The following TMEM41A variants were observed in gnomAD, a reference collection of about 807,000 sequenced individuals.
TMEM41A encodes the protein transmembrane protein 41A.
TMEM41A carries 20 observed loss-of-function variants against 25.7 expected under a neutral mutation model. The ratio of observed to expected loss-of-function variants is 0.78; its 90% confidence interval spans 0.55 to 1.13. The LOEUF (loss-of-function observed/expected upper bound fraction) is 1.13, where lower values mean the gene tolerates loss of function less well. TMEM41A is among the 50% of genes most tolerant of loss of function. The pLI is 0.00. For missense variants in TMEM41A, 299 were observed against 314.3 expected, an observed-to-expected ratio of 0.95 and a Z score of 0.37; for synonymous variants, 133 against 139.6, an observed-to-expected ratio of 0.95 and a Z score of 0.33.
In TMEM41A at chr3:185,491,712, A is replaced by G. The variant is rs1193786295; in HGVS notation, c.620T>C (p.Leu207Pro). 6.2e-7 allele frequency: 1 copy of G among 1,614,228 alleles called. No individual in the cohort carries two copies. The highest frequency in any genetic ancestry group is 2.2e-5 in the East Asian group (1 of 44,882). ...AGCATCCAGAGAGGTTAGGGTTGAC[A>G]GGATGGACCCTGTCTGCACACAGAT... ...NFICVQTGSI[L>P]STLTSLDALF... The change falls in exon 5 of 5, where the codon CTG becomes CCG. Residue 207 changes from leucine (L) to proline (P), a missense_variant. Transcript: ENST00000421852.
Position 185,495,215 on chromosome 3 carries a change from A to G in TMEM41A, c.374T>C (p.Ile125Thr). ...GATCCYLLSS[I>T]FGKQLVVSYF... Reference sequence around the variant, plus strand: ...GGACACCACCAACTGTTTGCCAAAAATACTGGAGAGCAGGTAGCAGCATGT... The same window carrying G: ...GGACACCACCAACTGTTTGCCAAAAGTACTGGAGAGCAGGTAGCAGCATGT... Residue 125 changes from isoleucine (I) to threonine (T), a missense_variant, in exon 3 of 5, where the codon ATT becomes ACT. By Grantham distance (89) the Ile-to-Thr change is moderately conservative (BLOSUM62 -1). Coordinates refer to ENST00000421852, the MANE Select transcript of TMEM41A (RefSeq NM_080652.4). The G allele has an allele frequency of 6.2e-7, 1 of 1,613,958 alleles. No individual in the cohort carries two copies. Among genetic ancestry groups the G allele is most frequent in the East Asian group, 2.2e-5 (1 of 44,872 alleles).
chr3:185,494,483 C>A (rs1719041478), intron 4 of TMEM41A, 140 bp downstream of exon 4: 2 of 983,014 alleles, frequency 2.0e-6, no homozygotes, highest in African/African-American at 3.3e-5. Context: ...GGAATCATTT[C>A]TTTAGATCAT....
rs148838688 is a variant in TMEM41A, at chr3:185,490,289, G to A, written c.*1248C>T. The stretch of plus-strand genomic sequence containing the variant: ...AAAAGATAAATTAAAAGATACAATT[G>A]TTTAGTTACTCTAAGCAAATACAAC... On this transcript the variant is annotated 3_prime_UTR_variant, in exon 5 of 5. Coordinates refer to ENST00000421852, the MANE Select transcript of TMEM41A (RefSeq NM_080652.4). 4.6e-4 allele frequency: 70 copies of A among 152,288 alleles called. No homozygotes were observed. The highest frequency in any genetic ancestry group is 1.6e-3 in the African/African-American group (66 of 41,560). The allele number at this position is 152,288 out of a possible 1,614,324, so 9.4% of individuals were successfully genotyped here. A position where few individuals can be genotyped will look rare whatever the true frequency, so the allele number is the denominator to read the frequency against.
chr3:185,493,332 CT>C (rs5855067), intron 4 of TMEM41A: 50,275 of 151,918 alleles, frequency 0.33, 9,223 homozygotes, highest in Non-Finnish European at 0.4. Context: ...CAAGGAGAAA[CT>C]TTAGATATCG....
rs1011078783 is a variant in TMEM41A, at chr3:185,490,946, C to G, written c.*591G>C. ...ATGAGGCAAATACAACAGGCTATCCCGAACTCCTTATTAGACCACAAAATA... is the reference window on the plus strand; with the variant it reads ...ATGAGGCAAATACAACAGGCTATCCGGAACTCCTTATTAGACCACAAAATA... On this transcript the variant is annotated 3_prime_UTR_variant, in exon 5 of 5. Coordinates refer to ENST00000421852, the MANE Select transcript of TMEM41A (RefSeq NM_080652.4). 1 of 152,358 alleles carries G rather than the reference C, an allele frequency of 6.6e-6. No homozygotes were observed. Among genetic ancestry groups the G allele is most frequent in the Non-Finnish European group, 1.5e-5 (1 of 68,334 alleles). The allele number at this position is 152,358 out of a possible 1,614,324, so 9.4% of individuals were successfully genotyped here.
rs981282463 is a variant in TMEM41A, at chr3:185,491,676, C to T, written c.656G>A (p.Trp219Ter). The change falls in exon 5 of 5, where the codon TGG becomes TAG. Residue 219 changes from tryptophan to a stop codon, truncating the protein, a stop_gained. Transcript: ENST00000421852. LOFTEE classifies it high-confidence loss of function. ...GGCCAACAGCTTAAAGACAGTGTCC[C>T]AGGAGAAAAGAGCATCCAGAGAGGT... The part of the protein sequence containing the change: ...TLTSLDALFS[W>*]DTVFKLLAIA... 2 of 1,614,146 alleles carry T rather than the reference C, an allele frequency of 1.2e-6. No individual in the cohort carries two copies. The highest frequency in any genetic ancestry group is 2.7e-5 in the African/African-American group (2 of 75,036).
intron 4 of TMEM41A, chr3:185,492,611 C>T (rs942300158): frequency 1.3e-5 from 2 of 152,238 alleles, no homozygotes; most frequent in Non-Finnish European, 2.9e-5. Flanking sequence ...CAGCTGGTGA[C>T]ATTGTTAAAA....
At chr3:185,497,314 A>G (rs1351172763) in intron 1 of TMEM41A, among the ~76,000 whole-genome samples, 1 of 152,146 alleles carries the variant, frequency 6.6e-6, no homozygotes, top group Non-Finnish European at 1.5e-5. Flanking sequence ...TAGCTCTGGG[A>G]TTTTAGAATC....
rs562464015 is a variant in TMEM41A at position 185,494,650 on chromosome 3, C to A, written c.547G>T (p.Val183Leu). ...ATAAGAACTGAGAAGAAGAACTGCA[C>A]GATGGGAATGTTCAGAATTGGGGCC... ...LSAPILNIPIVQFFFSVLIGL... is the reference protein window; with the variant it reads ...LSAPILNIPILQFFFSVLIGL... The change falls in exon 4 of 5, where the codon GTG becomes TTG. Residue 183 changes from valine to leucine, a missense_variant. By Grantham distance (32) the Val-to-Leu change is conservative (BLOSUM62 1). Coordinates refer to ENST00000421852, the MANE Select transcript of TMEM41A (RefSeq NM_080652.4). The A allele has an allele frequency of 1.2e-6, 2 of 1,609,822 alleles. No individual in the cohort carries two copies. Among genetic ancestry groups the A allele is most frequent in the Non-Finnish European group, 1.7e-6 (2 of 1,178,492 alleles).
Position 185,498,954 on chromosome 3 carries a change from G to C in TMEM41A, c.8C>G (p.Pro3Arg). 6.2e-7 allele frequency: 1 copy of C among 1,600,374 alleles called. No individual in the cohort carries two copies. The highest frequency in any genetic ancestry group is 1.1e-5 in the South Asian group (1 of 88,984). Residue 3 changes from proline to arginine, a missense_variant, in exon 1 of 5, where the codon CCG becomes CGG. By Grantham distance (103) the Pro-to-Arg change is moderately radical. Coordinates refer to ENST00000421852, the MANE Select transcript of TMEM41A (RefSeq NM_080652.4). MR[P>R]LLGLLLVFAG... ...GAAGACCAGAAGGAGGCCGAGAAGC[G>C]GGCGCATGTCGGCTCCGCACCCCGG...
intron 1 of TMEM41A, 56 bp downstream of exon 1, chr3:185,498,787 C>T (rs968172627): frequency 2.3e-6 from 3 of 1,309,394 alleles, no homozygotes; most frequent in African/African-American, 3.1e-5. Flanking sequence ...TTCCCAGCCC[C>T]GGTCCTCGGA....
At chr3:185,497,258 T>A (rs1577652636) in intron 1 of TMEM41A, among the ~76,000 whole-genome samples, 1 of 152,214 alleles carries the variant, frequency 6.6e-6, no homozygotes, top group African/African-American at 2.4e-5. Flanking sequence ...TCTTTCCTTA[T>A]CTAAAAAGTG....
chr3:185,497,115 C>T, intron 1 of TMEM41A, 134 bp from the exon 2 acceptor site: 1 of 1,145,554 alleles, frequency 8.7e-7, no homozygotes, highest in Non-Finnish European at 1.2e-6. Flanking sequence ...AACACATACA[C>T]TCCCAATGAC....
chr3:185,495,243 C>T lies in TMEM41A; in HGVS notation c.346G>A (p.Ala116Thr), dbSNP rs755847671. ...LLCCVLTSVGATCCYLLSSIF... is the reference protein window; with the variant it reads ...LLCCVLTSVGTTCCYLLSSIF... ...CTGGAGAGCAGGTAGCAGCATGTGG[C>T]ACCCACCGAGGTCAACACACAGCAC... Residue 116 changes from alanine to threonine, a missense_variant, in exon 3 of 5, where the codon GCC (alanine) becomes ACC (threonine). Transcript: ENST00000421852. 6.2e-7 allele frequency: 1 copy of T among 1,613,918 alleles called. No homozygotes were observed. The highest frequency in any genetic ancestry group is 8.5e-7 in the Non-Finnish European group (1 of 1,180,020).
chr3:185,495,047 C>T (rs1352501205), intron 3 of TMEM41A, 107 bp downstream of exon 3: 1 of 1,369,114 alleles, frequency 7.3e-7, no homozygotes, highest in Non-Finnish European at 1.0e-6. Context: ...CCTCCTGAAA[C>T]AGCGTGGAAG....
In TMEM41A at chr3:185,496,967, G is replaced by A. The variant is rs758868546; in HGVS notation, c.134C>T (p.Pro45Leu). 6.3e-7 allele frequency: 1 copy of A among 1,596,408 alleles called. No homozygotes were observed. Among genetic ancestry groups the A allele is most frequent in the Non-Finnish European group, 8.5e-7 (1 of 1,172,984 alleles). Reference protein sequence around the residue: ...EEAGGRSLWFPSDLAELRELS... With the variant: ...EEAGGRSLWFLSDLAELRELS... ...CTCCCGCAGCTCTGCCAGGTCGGAG[G>A]GGAACCACAGCGACCTGGGGATTTG... The change falls in exon 2 of 5, where the codon CCC becomes CTC. Residue 45 changes from proline to leucine, a missense_variant. Pro to Leu is a moderately conservative substitution (Grantham distance 98, BLOSUM62 -3). Transcript: ENST00000421852.
chr3:185,491,447 C>T lies in TMEM41A; in HGVS notation c.*90G>A. On this transcript the variant is annotated 3_prime_UTR_variant, in exon 5 of 5. Coordinates refer to ENST00000421852, the MANE Select transcript of TMEM41A (RefSeq NM_080652.4). Reference sequence around the variant, plus strand: ...CAGTGTCCACATCACCTATAGAAGGCAATCAAAAACAATGAGGGGCTTTAG... The same window carrying T: ...CAGTGTCCACATCACCTATAGAAGGTAATCAAAAACAATGAGGGGCTTTAG... The T allele has an allele frequency of 1.0e-6, 1 of 984,592 alleles. No individual in the cohort carries two copies. Among genetic ancestry groups the T allele is most frequent in the Non-Finnish European group, 1.6e-6 (1 of 642,478 alleles). 61.0% of individuals were successfully genotyped at this position (984,592 alleles called of 1,614,324 possible).
In TMEM41A at chr3:185,490,576, G is replaced by T. The variant is rs1718916315; in HGVS notation, c.*961C>A. 1 of 152,204 alleles carries T rather than the reference G, an allele frequency of 6.6e-6. No homozygotes were observed. Among genetic ancestry groups the T allele is most frequent in the South Asian group, 2.1e-4 (1 of 4,832 alleles). 9.4% of individuals were successfully genotyped at this position (152,204 alleles called of 1,614,324 possible). On this transcript the variant is annotated 3_prime_UTR_variant, in exon 5 of 5. Transcript: ENST00000421852. ...CTGTCAGGACATGCGATCATAAGGA[G>T]GTCTGACATACATGGTAATGTCAGT...
intron 4 of TMEM41A, among the ~76,000 whole-genome samples, chr3:185,492,052 T>C (rs1198889271): frequency 6.6e-6 from 1 of 152,188 alleles, no homozygotes; most frequent in Non-Finnish European, 1.5e-5. Flanking sequence ...ATGCTTGTAA[T>C]CCCAGCACTT....
Sources: gnomAD v4.1 joint callset for allele counts (sites outside exome capture counted in the v4.1 genomes callset) on GRCh38, gnomAD v4.1.1 for gene constraint, MANE v1.5 for transcripts, NCBI Gene and HGNC (gene_info 2026-07-23, HGNC 2026-07-21) for gene names.